Variants in ESR1 observed in about 807,000 individuals in gnomAD.
ESR1 encodes estrogen receptor.
Under a neutral mutation model 52.7 loss-of-function variants are expected in ESR1, and 12 were observed. The observed-to-expected ratio is 0.23, with a 90% CI of 0.15 to 0.37. The LOEUF (loss-of-function observed/expected upper bound fraction) is 0.37. Ranked by LOEUF, ESR1 falls within the 10% of genes least tolerant of loss-of-function variation. The pLI, the probability that ESR1 is intolerant of heterozygous loss-of-function variation, is 1.00. For missense variants in ESR1, 584 were observed against 779.7 expected (o/e 0.75, Z 2.99); for synonymous variants, 305 against 316.8 (o/e 0.96, Z 0.39).
chr6:152,079,599 G>A (rs779521012), intron 6 of ESR1, among the ~76,000 whole-genome samples: 2 of 152,186 alleles, frequency 1.3e-5, no homozygotes, highest in African/African-American at 2.4e-5. Flanking sequence ...AAGGATTGCA[G>A]CTCCTCACCA....
chr6:151,687,433 T>C (rs932395852), upstream of ESR1, among the ~76,000 whole-genome samples: 1 of 152,166 alleles, frequency 6.6e-6, no homozygotes, highest in Non-Finnish European at 1.5e-5. Context: ...ACTGAGATAG[T>C]GTTTTGAGCA....
chr6:151,693,789 C>T (rs1468067103), intron 1 of ESR1, among the ~76,000 whole-genome samples: 1 of 152,092 alleles, frequency 6.6e-6, no homozygotes, highest in East Asian at 1.9e-4. Flanking sequence ...AGCTAATTTT[C>T]ATATTTTTAG....
At chr6:151,873,479 A>T (rs181221982) in intron 2 of ESR1, among the ~76,000 whole-genome samples, 16 of 152,322 alleles carry the variant, frequency 1.1e-4, no homozygotes, top group Non-Finnish European at 2.2e-4. Flanking sequence ...GGAAGTGAGC[A>T]CAAGTGTGAA....
intron 4 of ESR1, among the ~76,000 whole-genome samples, chr6:152,009,698 G>T (rs536952410): frequency 7.4e-4 from 113 of 152,160 alleles, no homozygotes; most frequent in African/African-American, 2.6e-3. Context: ...ACATCCACCT[G>T]GCATGCTATA....
At chr6:151,692,378 C>A (rs7748348) in intron 1 of ESR1, among the ~76,000 whole-genome samples, 3 of 152,198 alleles carry the variant, frequency 2.0e-5, no homozygotes, top group Non-Finnish European at 4.4e-5. Flanking sequence ...TCAGAACAAT[C>A]GCTTGGGCTG....
At chr6:151,811,443 T>A (rs778957148) in intron 1 of ESR1, among the ~76,000 whole-genome samples, 7 of 152,324 alleles carry the variant, frequency 4.6e-5, no homozygotes, top group Non-Finnish European at 7.4e-5. Context: ...CTTATTTCAG[T>A]TTTATTACTC....
At chr6:151,691,395 G>T (rs1174094788) in intron 1 of ESR1, among the ~76,000 whole-genome samples, 1 of 152,208 alleles carries the variant, frequency 6.6e-6, no homozygotes, top group Non-Finnish European at 1.5e-5. Flanking sequence ...TTGGTTAGAG[G>T]AATGCCACAT....
intron 5 of ESR1, among the ~76,000 whole-genome samples, chr6:152,049,826 G>A (rs9479181): frequency 4.5e-4 from 69 of 152,294 alleles, no homozygotes; most frequent in African/African-American, 1.5e-3. Context: ...ACCTGGTAAC[G>A]TGTCACAGCC....
chr6:151,804,861 G>T (rs147201872), upstream of ESR1: 1 of 152,202 alleles, frequency 6.6e-6, no homozygotes, highest in African/African-American at 2.4e-5. Flanking sequence ...TCAGTATTGC[G>T]TGTTAGTACT....
upstream of ESR1, among the ~76,000 whole-genome samples, chr6:151,801,591 G>C (rs1777250417): frequency 6.6e-6 from 1 of 152,174 alleles, no homozygotes; most frequent in Non-Finnish European, 1.5e-5. Flanking sequence ...CACAAATCAT[G>C]CATTTTTTTC....
intron 3 of ESR1, among the ~76,000 whole-genome samples, chr6:151,882,500 A>G (rs1793111977): frequency 6.6e-6 from 1 of 152,244 alleles, no homozygotes; most frequent in Admixed American, 6.5e-5. Context: ...AGAATTAGTC[A>G]GGCTTAATTA....
At chr6:151,764,902 G>T (rs1270512027) in intron 2 of ESR1, among the ~76,000 whole-genome samples, 6 of 151,594 alleles carry the variant, frequency 4.0e-5, no homozygotes, top group Non-Finnish European at 8.8e-5. Flanking sequence ...TCTTTTTTTT[G>T]AATCAATTAG....
At chr6:151,792,288 A>C (rs1776237491) in intron 2 of ESR1, among the ~76,000 whole-genome samples, 1 of 152,208 alleles carries the variant, frequency 6.6e-6, no homozygotes. Flanking sequence ...ATGGCTGATG[A>C]GTGAATGTGA....
At chr6:152,081,039 C>T (rs2049158588) in intron 6 of ESR1, among the ~76,000 whole-genome samples, 1 of 152,072 alleles carries the variant, frequency 6.6e-6, no homozygotes, top group African/African-American at 2.4e-5. Flanking sequence ...CTGGGAGACA[C>T]CCCACAGTCA....
At chr6:151,925,124 T>TTTTGTTTGTTTG (rs2032460604) in intron 3 of ESR1, among the ~76,000 whole-genome samples, 5 of 150,586 alleles carry the variant, frequency 3.3e-5, no homozygotes. Context: ...CAGCATCTGG[T>TTTTGTTTGTTTG]TTTTTTTGTT....
chr6:151,858,065 T>C (rs1001392310), intron 2 of ESR1, among the ~76,000 whole-genome samples: 4 of 152,364 alleles, frequency 2.6e-5, no homozygotes, highest in African/African-American at 7.2e-5. Flanking sequence ...ATTCTGTATT[T>C]ACCAAATCTT....
At chr6:151,724,248 T>C (rs542678646) in intron 2 of ESR1, among the ~76,000 whole-genome samples, 1 of 152,262 alleles carries the variant, frequency 6.6e-6, no homozygotes, top group Admixed American at 6.5e-5. Flanking sequence ...CTAATTATTC[T>C]ACCGCTTAGG....
intron 4 of ESR1, among the ~76,000 whole-genome samples, chr6:151,963,855 G>A (rs555380527): frequency 6.6e-6 from 1 of 152,246 alleles, no homozygotes. Context: ...ATTTTTAATA[G>A]GGCATAAGTG....
chr6:151,899,363 C>A (rs1796200199), intron 3 of ESR1, among the ~76,000 whole-genome samples: 1 of 124,478 alleles, frequency 8.0e-6, no homozygotes, highest in Non-Finnish European at 1.7e-5. Context: ...ACCCCCCCAC[C>A]TCCTTCCCGG....
Sources: gnomAD v4.1 joint callset for allele counts (sites outside exome capture counted in the v4.1 genomes callset) on GRCh38, gnomAD v4.1.1 for gene constraint, MANE v1.5 for transcripts, NCBI Gene and HGNC (gene_info 2026-07-23, HGNC 2026-07-21) for gene names.